Variants in ERICH3 observed in about 807,000 individuals in gnomAD.
The protein encoded by ERICH3 is glutamate rich 3, also known as glutamate-rich protein 3.
A neutral mutation model predicts 131.1 loss-of-function variants in ERICH3; 126 were observed. That is an observed-to-expected ratio of 0.96 (90% confidence interval 0.83 to 1.11). The LOEUF (loss-of-function observed/expected upper bound fraction) is 1.11, where lower values mean the gene tolerates loss of function less well. ERICH3 is among the 50% of genes most tolerant of loss of function. The pLI, the probability that ERICH3 is intolerant of heterozygous loss-of-function variation, is 0.00. For synonymous variants in ERICH3, 695 were observed against 644.6 expected (o/e 1.08, Z -1.18); for missense variants, 2,050 against 1,810.7 (o/e 1.13, Z -2.40).
intron 7 of ERICH3, chr1:74,622,787 T>C (rs1406336290): frequency 1.3e-5 from 2 of 152,116 alleles, no homozygotes; most frequent in African/African-American, 2.4e-5. Context: ...AAGAGAAAAA[T>C]ACAGGAAAAG....
chr1:74,573,208 G>A lies in ERICH3; in HGVS notation c.2502C>T (p.Gly834=). The stretch of plus-strand genomic sequence containing the variant: ...CTGCTCCCTCTGCCCCCCTTTCTAT[G>A]CCTGGAGGGATCTCCCTTTTTTCTG... ...EFTEKREIPP[G]IERGAEGAAE... Residue 834 remains glycine, a synonymous_variant, in exon 14 of 15, where the codon GGC becomes GGT. Transcript: ENST00000326665. 1 of 1,612,406 alleles carries A rather than the reference G, an allele frequency of 6.2e-7. No homozygotes were observed.
At chr1:74,636,217 G>A in intron 6 of ERICH3, 63 bp downstream of exon 6, 1 of 1,341,628 alleles carries the variant, frequency 7.5e-7, no homozygotes, top group Non-Finnish European at 1.0e-6. Flanking sequence ...CTTGACCACT[G>A]TAATAACCTA....
In ERICH3 at chr1:74,572,903, C is replaced by T. The variant is rs754883611; in HGVS notation, c.2807G>A (p.Gly936Glu). 6.2e-7 allele frequency: 1 copy of T among 1,613,896 alleles called. No homozygotes were observed. The highest frequency in any genetic ancestry group is 1.3e-5 in the African/African-American group (1 of 74,878). Residue 936 changes from glycine to glutamate, a missense_variant, in exon 14 of 15, where the codon GGG becomes GAG. Gly to Glu is a moderately conservative substitution (Grantham distance 98, BLOSUM62 -2). Coordinates refer to ENST00000326665, the MANE Select transcript of ERICH3 (RefSeq NM_001002912.5). ...ATSEEGEAEG[G>E]VAVSDVGESE... ...TTCTCCGACATCACTCACAGCCACCCCACCCTCAGCCTCTCCCTCCTCCGA... is the reference window on the plus strand; with the variant it reads ...TTCTCCGACATCACTCACAGCCACCTCACCCTCAGCCTCTCCCTCCTCCGA...
intron 11 of ERICH3, among the ~76,000 whole-genome samples, chr1:74,591,262 G>A (rs1315798983): frequency 1.3e-5 from 2 of 152,164 alleles, no homozygotes; most frequent in Non-Finnish European, 2.9e-5. Context: ...TAAGGGAGTA[G>A]CAGAAGCAAG....
At chr1:74,576,744 T>C in intron 13 of ERICH3, 151 bp downstream of exon 13, 1 of 649,162 alleles carries the variant, frequency 1.5e-6, no homozygotes, top group South Asian at 2.8e-5. Flanking sequence ...ACCATACACA[T>C]AAATATATTC....
chr1:74,605,308 G>C (rs1648333641), intron 10 of ERICH3, among the ~76,000 whole-genome samples: 1 of 151,806 alleles, frequency 6.6e-6, no homozygotes, highest in African/African-American at 2.4e-5. Context: ...CTTCTATTGA[G>C]ACCGCTAAAA....
intron 5 of ERICH3, among the ~76,000 whole-genome samples, chr1:74,639,079 C>A (rs747372709): frequency 6.6e-6 from 1 of 151,942 alleles, no homozygotes; most frequent in Non-Finnish European, 1.5e-5. Flanking sequence ...AAAAAATAAG[C>A]CTATATGGTC....
intron 7 of ERICH3, among the ~76,000 whole-genome samples, chr1:74,630,749 A>G (rs1646319373): frequency 6.6e-6 from 1 of 152,072 alleles, no homozygotes; most frequent in African/African-American, 2.4e-5. Context: ...GCAAATCCAA[A>G]TTAGAGAGAA....
Position 74,569,725 on chromosome 1 carries a change from G to A in ERICH3, c.*733C>T, listed in dbSNP as rs907728773. The stretch of plus-strand genomic sequence containing the variant: ...GAGTGGCCCTATAAAGAAGGCCCCA[G>A]GGACAAAATGCTGGAAGCTACCATT... On this transcript the variant is annotated 3_prime_UTR_variant, in exon 15 of 15. Coordinates refer to ENST00000326665, the MANE Select transcript of ERICH3 (RefSeq NM_001002912.5). 4 of 152,070 alleles carry A rather than the reference G, an allele frequency of 2.6e-5. No individual in the cohort carries two copies. Among genetic ancestry groups the A allele is most frequent in the Admixed American group, 2.6e-4 (4 of 15,270 alleles). The allele number at this position is 152,070 out of a possible 1,614,324, so 9.4% of individuals were successfully genotyped here.
chr1:74,635,013 T>C (rs1316682274), intron 6 of ERICH3, among the ~76,000 whole-genome samples: 1 of 152,132 alleles, frequency 6.6e-6, no homozygotes, highest in African/African-American at 2.4e-5. Context: ...CTATGACATC[T>C]CTTGGTGAAT....
intron 7 of ERICH3, among the ~76,000 whole-genome samples, chr1:74,628,486 A>G (rs1649487618): frequency 6.6e-6 from 1 of 152,168 alleles, no homozygotes; most frequent in Admixed American, 6.5e-5. Flanking sequence ...CTTTTCTCTA[A>G]CTTTGTAAGA....
intron 12 of ERICH3, chr1:74,579,876 G>A (rs1185849597): frequency 6.1e-6 from 6 of 984,304 alleles, no homozygotes; most frequent in Admixed American, 6.2e-5. Context: ...GTTGCCAAAT[G>A]GAATTGTCAC....
intron 13 of ERICH3, among the ~76,000 whole-genome samples, chr1:74,573,912 A>G (rs1266962558): frequency 2.0e-5 from 3 of 152,050 alleles, no homozygotes; most frequent in African/African-American, 7.2e-5. Context: ...AGAAATAATA[A>G]TAAGTGGAAA....
chr1:74,668,998 C>A (rs569504164), intron 1 of ERICH3, among the ~76,000 whole-genome samples: 256 of 152,222 alleles, frequency 1.7e-3, no homozygotes, highest in African/African-American at 5.8e-3. Flanking sequence ...ACGTATGCTA[C>A]TTAAGAATGC....
Position 74,673,543 on chromosome 1 carries a change from C to T in ERICH3, c.-24G>A. 17 of 1,610,114 alleles carry T rather than the reference C, an allele frequency of 1.1e-5. No individual in the cohort carries two copies. The highest frequency in any genetic ancestry group is 1.4e-5 in the Non-Finnish European group (17 of 1,178,482). On this transcript the variant is annotated 5_prime_UTR_variant, in exon 1 of 15. Transcript: ENST00000326665. ...ATTTTTGCAGGATCCCTTTTGGACC[C>T]CGCGGCAGGTGCGGAGGGTGGGTGC...
chr1:74,585,998 T>C (rs921959257), intron 12 of ERICH3, among the ~76,000 whole-genome samples: 3 of 152,116 alleles, frequency 2.0e-5, no homozygotes, highest in Admixed American at 6.5e-5. Context: ...ATACATGGTC[T>C]TTGTTCTGTT....
chr1:74,632,731 C>T (rs1361681904), intron 6 of ERICH3, among the ~76,000 whole-genome samples: 1 of 151,848 alleles, frequency 6.6e-6, no homozygotes, highest in Non-Finnish European at 1.5e-5. Context: ...TAAAAAGGTT[C>T]ATATGGTATG....
At chr1:74,588,196 T>C (rs745853367) in intron 12 of ERICH3, among the ~76,000 whole-genome samples, 6 of 152,244 alleles carry the variant, frequency 3.9e-5, no homozygotes, top group Non-Finnish European at 5.9e-5. Flanking sequence ...CAAAATTGTA[T>C]TTAACCTTTA....
intron 10 of ERICH3, among the ~76,000 whole-genome samples, chr1:74,604,730 A>G (rs962593211): frequency 6.6e-6 from 1 of 151,950 alleles, no homozygotes; most frequent in African/African-American, 2.4e-5. Flanking sequence ...CAGTGGGCTG[A>G]AAATACTCTG....
Sources: allele counts gnomAD v4.1 joint callset (sites outside exome capture counted in the v4.1 genomes callset), GRCh38; gene constraint gnomAD v4.1.1; transcripts MANE v1.5; gene names NCBI Gene and HGNC (gene_info 2026-07-23, HGNC 2026-07-21).